FRAS1: variants seen among roughly 807,000 people sequenced by gnomAD.
FRAS1 encodes Fraser extracellular matrix complex subunit 1.
In FRAS1, 290 loss-of-function variants were observed where a neutral mutation model predicts 435.2. The observed-to-expected ratio is 0.67, with a 90% CI of 0.61 to 0.73. FRAS1 has a LOEUF of 0.73. Ranked by LOEUF, FRAS1 falls within the 30% of genes least tolerant of loss-of-function variation. FRAS1 has a pLI of 0.00. For missense variants in FRAS1, 4,860 were observed against 5,001.5 expected (o/e 0.97, Z 0.85); for synonymous variants, 1,800 against 1,851.0 (o/e 0.97, Z 0.71).
At chr4:78,137,148 G>A (rs1719954578) in intron 2 of FRAS1, among the ~76,000 whole-genome samples, 1 of 152,196 alleles carries the variant, frequency 6.6e-6, no homozygotes, top group Non-Finnish European at 1.5e-5. Context: ...ACAGGGCTGG[G>A]CAATACTTAC....
At chr4:78,363,480 C>G (rs553131648) in intron 20 of FRAS1, 33 bp from the exon 21 acceptor site, 2 of 1,583,292 alleles carry the variant, frequency 1.3e-6, no homozygotes, top group Non-Finnish European at 1.7e-6. Context: ...CATGAGCACC[C>G]GTGCCTTCTC....
chr4:78,298,141 T>C (rs1728234222), intron 14 of FRAS1, among the ~76,000 whole-genome samples: 2 of 144,236 alleles, frequency 1.4e-5, no homozygotes, highest in South Asian at 4.2e-4. Context: ...ATATAACATA[T>C]TATAAGGTGC....
chr4:78,421,956 C>G lies in FRAS1; in HGVS notation c.4634C>G (p.Pro1545Arg), dbSNP rs201675499. ...NQGKVMYRPP[P>R]AAPHLQELMA... is the part of the protein sequence containing the mutation. ...GGCAAAGTCATGTACCGCCCTCCCC[C>G]GGCAGCACCCCACCTCCAGGAGCTC... The change falls in exon 34 of 74, where the codon CCG (proline) becomes CGG (arginine). Residue 1545 changes from proline to arginine, a missense_variant. Transcript: ENST00000512123. The G allele has an allele frequency of 6.2e-7, 1 of 1,613,524 alleles. No homozygotes were observed. Among genetic ancestry groups the G allele is most frequent in the Non-Finnish European group, 8.5e-7 (1 of 1,179,690 alleles).
chr4:78,200,598 A>G (rs1018656678), intron 2 of FRAS1, among the ~76,000 whole-genome samples: 2 of 151,780 alleles, frequency 1.3e-5, no homozygotes, highest in African/African-American at 4.8e-5. Flanking sequence ...TGCAACACTG[A>G]TGTGATCGAT....
In FRAS1 at chr4:78,274,627, G is replaced by T. The variant is rs146409231; in HGVS notation, c.982-4028G>T. 4.4e-3 allele frequency among the ~76,000 whole-genome samples: 673 copies of T among 152,284 alleles called. 6 individuals are homozygous for T. The highest frequency in any genetic ancestry group is 0.015 in the African/African-American group (621 of 41,554). On this transcript the variant is annotated intron_variant, in intron 9 of 73. Transcript: ENST00000512123. ...ATTTTCCATGTAGTTGAGCAGTTTGGAGTGAGTTTCTTAATCCTGAGTTCT... is the reference window on the plus strand; with the variant it reads ...ATTTTCCATGTAGTTGAGCAGTTTGTAGTGAGTTTCTTAATCCTGAGTTCT...
chr4:78,460,457 C>T (rs1239908819), intron 47 of FRAS1, among the ~76,000 whole-genome samples: 2 of 152,148 alleles, frequency 1.3e-5, no homozygotes, highest in African/African-American at 4.8e-5. Context: ...TTAGAAACAC[C>T]ACCTTGCTGG....
chr4:78,121,327 T>C (rs1028292568), intron 2 of FRAS1, among the ~76,000 whole-genome samples: 3 of 152,224 alleles, frequency 2.0e-5, no homozygotes, highest in African/African-American at 7.2e-5. Flanking sequence ...AGATATTTAA[T>C]CTTTTCTGGG....
intron 14 of FRAS1, among the ~76,000 whole-genome samples, chr4:78,291,905 G>T (rs1191345014): frequency 6.6e-6 from 1 of 152,174 alleles, no homozygotes; most frequent in Non-Finnish European, 1.5e-5. Flanking sequence ...GGATTATTTT[G>T]AATGGCACCT....
intron 52 of FRAS1, among the ~76,000 whole-genome samples, chr4:78,472,695 G>A (rs1719744778): frequency 6.6e-6 from 1 of 152,178 alleles, no homozygotes; most frequent in African/African-American, 2.4e-5. Flanking sequence ...GTGATCCTGT[G>A]TGATTTATTT....
chr4:78,174,566 T>C (rs1296056412), intron 2 of FRAS1, among the ~76,000 whole-genome samples: 2 of 152,124 alleles, frequency 1.3e-5, no homozygotes, highest in East Asian at 3.8e-4. Flanking sequence ...ATAGAAGGGG[T>C]GCACTCACTC....
intron 2 of FRAS1, among the ~76,000 whole-genome samples, chr4:78,069,786 GTTTTT>G (rs5859604): frequency 6.8e-6 from 1 of 147,012 alleles, no homozygotes; most frequent in Non-Finnish European, 1.5e-5. Context: ...CCAGGAAATA[GTTTTT>G]TTTTTTTTTT....
chr4:78,468,798 T>C (rs552600106), intron 50 of FRAS1, among the ~76,000 whole-genome samples: 1 of 152,268 alleles, frequency 6.6e-6, no homozygotes, highest in South Asian at 2.1e-4. Flanking sequence ...GGGAAGGCAG[T>C]TTTAGTGAGC....
At chr4:78,302,625 A>G (rs1166918690) in intron 14 of FRAS1, among the ~76,000 whole-genome samples, 2 of 151,700 alleles carry the variant, frequency 1.3e-5, no homozygotes, top group South Asian at 2.1e-4. Flanking sequence ...GCATTTTTTC[A>G]TGTGTCTTTT....
chr4:78,175,233 C>A lies in FRAS1; in HGVS notation c.109-62277C>A, dbSNP rs550010849. 2.8e-4 allele frequency among the ~76,000 whole-genome samples: 42 copies of A among 152,242 alleles called. No individual in the cohort carries two copies. In the East Asian group the frequency reaches 7.5e-3, roughly 27 times the overall value. On this transcript the variant is annotated intron_variant, in intron 2 of 73. Coordinates refer to ENST00000512123, the MANE Select transcript of FRAS1 (RefSeq NM_025074.7). ...CTTTCAGTATTTATACTTCTGGCTC[C>A]CATTAATTAACACATTTTCTAATGA...
intron 51 of FRAS1, among the ~76,000 whole-genome samples, chr4:78,471,625 C>T (rs1037758982): frequency 6.6e-6 from 1 of 152,202 alleles, no homozygotes; most frequent in Non-Finnish European, 1.5e-5. Flanking sequence ...CTTGACCACC[C>T]TCTTTCTTTG....
chr4:78,168,310 A>G (rs1002351424), intron 2 of FRAS1, among the ~76,000 whole-genome samples: 7 of 152,036 alleles, frequency 4.6e-5, no homozygotes, highest in African/African-American at 1.7e-4. Context: ...GACCAAGACA[A>G]TGTCTGAAGG....
At chr4:78,251,588 A>G (rs757683271) in intron 4 of FRAS1, among the ~76,000 whole-genome samples, 60 of 152,104 alleles carry the variant, frequency 3.9e-4, no homozygotes, top group Non-Finnish European at 6.5e-4. Flanking sequence ...CCTGGGTAAC[A>G]CTGTTCTACT....
intron 18 of FRAS1, among the ~76,000 whole-genome samples, chr4:78,327,506 A>G (rs935515186): frequency 2.6e-5 from 4 of 152,336 alleles, no homozygotes; most frequent in Middle Eastern, 3.4e-3. Flanking sequence ...ATAAAAATTG[A>G]TAAGTTTAAT....
At chr4:78,152,694 C>G (rs868175275) in intron 2 of FRAS1, among the ~76,000 whole-genome samples, 1 of 130,978 alleles carries the variant, frequency 7.6e-6, no homozygotes, top group African/African-American at 2.8e-5. Flanking sequence ...ACTTGTAGAT[C>G]ATGACAGATT....
Sources: allele counts gnomAD v4.1 joint callset (sites outside exome capture counted in the v4.1 genomes callset), GRCh38; gene constraint gnomAD v4.1.1; transcripts MANE v1.5; gene names NCBI Gene and HGNC (gene_info 2026-07-23, HGNC 2026-07-21).